The following TOP1 variants were observed in gnomAD, a reference collection of about 807,000 sequenced individuals.
The protein encoded by TOP1 is DNA topoisomerase I, also known as DNA topoisomerase 1.
Under a neutral mutation model 111.1 loss-of-function variants are expected in TOP1, and 10 were observed. The observed-to-expected ratio is 0.09, with a 90% CI of 0.06 to 0.15. The LOEUF (loss-of-function observed/expected upper bound fraction) is 0.15, where lower values mean the gene tolerates loss of function less well. TOP1 is among the 10% of genes least tolerant of loss of function. The pLI, the probability that TOP1 is intolerant of heterozygous loss-of-function variation, is 1.00. For synonymous variants in TOP1, 271 were observed against 302.9 expected, an observed-to-expected ratio of 0.89 and a Z score of 1.10; for missense variants, 474 against 926.7, an observed-to-expected ratio of 0.51 and a Z score of 6.34.
intron 2 of TOP1, among the ~76,000 whole-genome samples, chr20:41,039,983 T>C (rs1317850112): frequency 6.6e-6 from 1 of 152,222 alleles, no homozygotes; most frequent in Non-Finnish European, 1.5e-5. Context: ...TCACATTCTG[T>C]GTGAGAAATC....
rs1487721638 is a variant in TOP1, at chr20:41,118,318, G to C, written c.1950+22G>C. ...TAAGGTATCTTGGATAAAATGAAGG[G>C]AACTGTGTCTGCTGTGGGCAGATTA... is the stretch of plus-strand genomic sequence containing the variant. On this transcript the variant is annotated intron_variant, in intron 18 of 20. Transcript: ENST00000361337. This position sits in a 1 kb window ranked among gnomAD's most constrained non-coding sequence, Gnocchi z 4.6. 6.2e-7 allele frequency: 1 copy of C among 1,613,128 alleles called. No individual in the cohort carries two copies. Among genetic ancestry groups the C allele is most frequent in the Non-Finnish European group, 8.5e-7 (1 of 1,179,392 alleles).
In TOP1 at chr20:41,078,481, G is replaced by T. The variant is rs2033753797; in HGVS notation, c.335+844G>T. On this transcript the variant is annotated intron_variant, in intron 5 of 20. Transcript: ENST00000361337. This position sits in a 1 kb window ranked among gnomAD's most constrained non-coding sequence, Gnocchi z 5.3. ...TCATTTGTTAAAATTTTTGACAATT[G>T]TGCCTGGTACTCTGGGGTCCTTTAG... is the stretch of plus-strand genomic sequence containing the variant. Among the ~76,000 whole-genome samples, 1 of 152,152 alleles carries T rather than the reference G, an allele frequency of 6.6e-6. No individual in the cohort carries two copies. Among genetic ancestry groups the T allele is most frequent in the Admixed American group, 6.5e-5 (1 of 15,282 alleles).
chr20:41,056,904 C>T (rs939769678), intron 2 of TOP1, among the ~76,000 whole-genome samples: 1 of 152,090 alleles, frequency 6.6e-6, no homozygotes, highest in African/African-American at 2.4e-5. Flanking sequence ...CATTTTTAGA[C>T]AGCAGTTGCT....
intron 2 of TOP1, among the ~76,000 whole-genome samples, chr20:41,043,591 G>GGGACCAAAGAATT (rs1462008452): frequency 6.6e-6 from 1 of 152,172 alleles, no homozygotes; most frequent in African/African-American, 2.4e-5. Context: ...AGACAAAGAA[G>GGGACCAAAGAATT]GTCCCTTGGT....
rs2034317864 is a variant in TOP1, at chr20:41,115,661, G to A, written c.1707+222G>A. 6.6e-6 allele frequency among the ~76,000 whole-genome samples: 1 copy of A among 152,132 alleles called. No individual in the cohort carries two copies. Among genetic ancestry groups the A allele is most frequent in the Admixed American group, 6.5e-5 (1 of 15,272 alleles). Reference sequence around the variant, plus strand: ...AACTGCTAAAGCACTCAGGGTGGGGGGTAGATGAGCCCTACCTTTTATCCT... The same window carrying A: ...AACTGCTAAAGCACTCAGGGTGGGGAGTAGATGAGCCCTACCTTTTATCCT... On this transcript the variant is annotated intron_variant, in intron 16 of 20. Coordinates refer to ENST00000361337, the MANE Select transcript of TOP1 (RefSeq NM_003286.4). This position sits in a 1 kb window ranked among gnomAD's most constrained non-coding sequence, Gnocchi z 6.3.
rs1203849316 is a variant in TOP1 at position 41,094,419 on chromosome 20, G to A, written c.730+1832G>A. On this transcript the variant is annotated intron_variant, in intron 9 of 20. Transcript: ENST00000361337. This position sits in a 1 kb window ranked among gnomAD's most constrained non-coding sequence, Gnocchi z 4.4. ...CTTACCAAGAGCTTTAGGATGCTCA[G>A]CTGGTAAAGCCTCACTTTGAGGTTC... Among the ~76,000 whole-genome samples, 3 of 152,218 alleles carry A rather than the reference G, an allele frequency of 2.0e-5. No homozygotes were observed. Among genetic ancestry groups the A allele is most frequent in the African/African-American group, 7.2e-5 (3 of 41,456 alleles).
Position 41,058,709 on chromosome 20 carries a change from G to A in TOP1, c.59-2685G>A, listed in dbSNP as rs1285213961. Among the ~76,000 whole-genome samples the A allele has an allele frequency of 6.6e-6, 1 of 152,130 alleles. No homozygotes were observed. The highest frequency in any genetic ancestry group is 1.5e-5 in the Non-Finnish European group (1 of 68,018). On this transcript the variant is annotated intron_variant, in intron 2 of 20. Transcript: ENST00000361337. This position sits in a 1 kb window ranked among gnomAD's most constrained non-coding sequence, Gnocchi z 4.2. ...GTCCAGCCCACACTCAAGGGGAGGGGAATTAGGCTATACCTCTTGAAAAGC... is the reference window on the plus strand; with the variant it reads ...GTCCAGCCCACACTCAAGGGGAGGGAAATTAGGCTATACCTCTTGAAAAGC...
At chr20:41,107,841 T>C (rs999146641) in intron 13 of TOP1, among the ~76,000 whole-genome samples, 19 of 152,192 alleles carry the variant, frequency 1.2e-4, no homozygotes, top group African/African-American at 4.3e-4. Flanking sequence ...TTCATTACTT[T>C]TTGTCTTGGA....
chr20:41,115,562 C>G lies in TOP1; in HGVS notation c.1707+123C>G. The G allele has an allele frequency of 1.5e-6, 1 of 670,654 alleles. No homozygotes were observed. The highest frequency in any genetic ancestry group is 1.7e-5 in the South Asian group (1 of 58,820). 41.5% of individuals were successfully genotyped at this position (670,654 alleles called of 1,614,324 possible). A position where few individuals can be genotyped will look rare whatever the true frequency, so the allele number is the denominator to read the frequency against. On this transcript the variant is annotated intron_variant, in intron 16 of 20. Coordinates refer to ENST00000361337, the MANE Select transcript of TOP1 (RefSeq NM_003286.4). This position sits in a 1 kb window ranked among gnomAD's most constrained non-coding sequence, Gnocchi z 6.3. ...TTAGCCTGGCCTGCTCTGTGGCATC[C>G]CATACACTCTCTCTTCCTCCCTCTG...
At chr20:41,086,340 C>A (rs1380130427) in intron 8 of TOP1, among the ~76,000 whole-genome samples, 1 of 151,764 alleles carries the variant, frequency 6.6e-6, no homozygotes, top group Non-Finnish European at 1.5e-5. Context: ...AGAACTAATA[C>A]ATTTTCAGTG....
In TOP1 at chr20:41,034,087, T is replaced by G. The variant is rs1363133212; in HGVS notation, c.58+4632T>G. Among the ~76,000 whole-genome samples, 1 of 152,196 alleles carries G rather than the reference T, an allele frequency of 6.6e-6. No homozygotes were observed. Among genetic ancestry groups the G allele is most frequent in the East Asian group, 1.9e-4 (1 of 5,204 alleles). ...TTGTATGGTTTAGATTATCTGACTA[T>G]CCCTTAATTATTTTGAAACCATTAA... On this transcript the variant is annotated intron_variant, in intron 2 of 20. Coordinates refer to ENST00000361337, the MANE Select transcript of TOP1 (RefSeq NM_003286.4). This position sits in a 1 kb window ranked among gnomAD's most constrained non-coding sequence, Gnocchi z 4.0.
Position 41,101,202 on chromosome 20 carries a change from T to C in TOP1, c.1164-7T>C. The C allele has an allele frequency of 1.9e-6, 3 of 1,613,938 alleles. No homozygotes were observed. In the South Asian group the frequency reaches 3.3e-5, roughly 18 times the overall value. On this transcript the variant is annotated splice_polypyrimidine_tract_variant and splice_region_variant and intron_variant, in intron 12 of 20. Transcript: ENST00000361337. This position sits in a 1 kb window ranked among gnomAD's most constrained non-coding sequence, Gnocchi z 4.1. ...ATTTCACTATCCTCGTGCTCTGTTA[T>C]TTCCAGAGATGCCAAGGTTCCTTCT...
chr20:41,089,906 G>A (rs966386110), intron 8 of TOP1, among the ~76,000 whole-genome samples: 27 of 152,138 alleles, frequency 1.8e-4, no homozygotes, highest in African/African-American at 6.5e-4. Context: ...ATTTTTGCAG[G>A]TGCTTATTGG....
At chr20:41,075,506 T>C (rs923914365) in intron 3 of TOP1, among the ~76,000 whole-genome samples, 1 of 152,220 alleles carries the variant, frequency 6.6e-6, no homozygotes, top group African/African-American at 2.4e-5. Flanking sequence ...GTTATTTCCC[T>C]AAGATAAATT....
In TOP1 at chr20:41,121,737, C is replaced by G. The variant is rs753199078; in HGVS notation, c.1992C>G (p.Asp664Glu). The G allele has an allele frequency of 1.2e-6, 2 of 1,614,128 alleles. No homozygotes were observed. The highest frequency in any genetic ancestry group is 2.2e-5 in the South Asian group (2 of 91,074). ...KKEQLADARRDLKSAKADAKV... is the reference protein window; with the variant it reads ...KKEQLADARRELKSAKADAKV... The stretch of plus-strand genomic sequence containing the variant: ...AACAGCTAGCAGATGCCCGGAGAGA[C>G]CTGAAAAGTGCTAAGGCTGATGCCA... Residue 664 changes from aspartate (D) to glutamate (E), a missense_variant, in exon 19 of 21, where the codon GAC (aspartate) becomes GAG (glutamate). By Grantham distance (45) the Asp-to-Glu change is conservative. This residue lies in a region of TOP1 where 36 missense variants were observed against 42.3 expected (regional missense o/e 0.85). Coordinates refer to ENST00000361337, the MANE Select transcript of TOP1 (RefSeq NM_003286.4). This position sits in a 1 kb window ranked among gnomAD's most constrained non-coding sequence, Gnocchi z 4.2.
intron 2 of TOP1, among the ~76,000 whole-genome samples, chr20:41,048,208 T>G (rs1297111658): frequency 2.0e-5 from 3 of 152,124 alleles, no homozygotes; most frequent in African/African-American, 7.2e-5. Flanking sequence ...CACATGAATT[T>G]TTGTAGGTGG....
chr20:41,064,352 A>G (rs959085223), intron 3 of TOP1, among the ~76,000 whole-genome samples: 3 of 152,164 alleles, frequency 2.0e-5, no homozygotes, highest in Admixed American at 1.3e-4. Flanking sequence ...TTTTAAGTGC[A>G]CACGAAATGT....
intron 3 of TOP1, chr20:41,072,641 C>T: frequency 1.0e-6 from 1 of 985,434 alleles, no homozygotes; most frequent in African/African-American, 1.7e-5. Context: ...TTTGCCAGCA[C>T]TCCTGCCGGT....
At chr20:41,039,680 G>A (rs929500965) in intron 2 of TOP1, among the ~76,000 whole-genome samples, 2 of 152,042 alleles carry the variant, frequency 1.3e-5, no homozygotes, top group Non-Finnish European at 2.9e-5. Flanking sequence ...AGGCCGAGGC[G>A]GGCGGATCAC....
Sources: gnomAD v4.1 joint callset for allele counts (sites outside exome capture counted in the v4.1 genomes callset) on GRCh38, gnomAD v4.1.1 for gene constraint, gnomAD v4.1.1 regional missense constraint, Gnocchi (gnomAD v3.1) non-coding constraint, MANE v1.5 for transcripts, NCBI Gene and HGNC (gene_info 2026-07-23, HGNC 2026-07-21) for gene names.